ATF2: variants seen among roughly 807,000 people sequenced by gnomAD.
ATF2 encodes the protein cyclic AMP-dependent transcription factor ATF-2.
A neutral mutation model predicts 60.6 loss-of-function variants in ATF2; 24 were observed. That is an observed-to-expected ratio of 0.40 (90% CI 0.29 to 0.56). ATF2 has a LOEUF of 0.56. Ranked by LOEUF, ATF2 falls within the 20% of genes least tolerant of loss-of-function variation. The pLI, the probability that ATF2 is intolerant of heterozygous loss-of-function variation, is 0.54. For synonymous variants in ATF2, 206 were observed against 215.4 expected, an observed-to-expected ratio of 0.96 and a Z score of 0.38; for missense variants, 433 against 607.7, an observed-to-expected ratio of 0.71 and a Z score of 3.02.
At chr2:175,158,161 A>C (rs1345216669) in intron 1 of ATF2, among the ~76,000 whole-genome samples, 1 of 151,986 alleles carries the variant, frequency 6.6e-6, no homozygotes, top group East Asian at 1.9e-4. Context: ...TAAATCAAGG[A>C]GTTTGAAAAC....
At chr2:175,078,557 A>G (rs1191058933) in intron 13 of ATF2, among the ~76,000 whole-genome samples, 1 of 152,158 alleles carries the variant, frequency 6.6e-6, no homozygotes, top group Non-Finnish European at 1.5e-5. Context: ...AGGAAGTAGG[A>G]CTTTCAGTGC....
At chr2:175,120,526 T>A (rs1239533196) in intron 5 of ATF2, among the ~76,000 whole-genome samples, 1 of 151,592 alleles carries the variant, frequency 6.6e-6, no homozygotes, top group Non-Finnish European at 1.5e-5. Flanking sequence ...AAACACTGCA[T>A]AGAACAATTT....
At chr2:175,144,890 G>A (rs1698841304) in intron 2 of ATF2, among the ~76,000 whole-genome samples, 1 of 152,196 alleles carries the variant, frequency 6.6e-6, no homozygotes, top group Admixed American at 6.5e-5. Context: ...TGATGGAGAG[G>A]AAAGGTGAGT....
intron 4 of ATF2, among the ~76,000 whole-genome samples, chr2:175,124,262 C>CAA (rs967028034): frequency 5.0e-5 from 7 of 140,856 alleles, no homozygotes; most frequent in African/African-American, 1.9e-4. Context: ...GTATATAGCT[C>CAA]AATAAACAAT....
intron 10 of ATF2, among the ~76,000 whole-genome samples, chr2:175,107,981 G>A (rs1318649242): frequency 6.6e-6 from 1 of 152,156 alleles, no homozygotes. Flanking sequence ...CCTCTGCCCA[G>A]CCGCCACCCC....
intron 12 of ATF2, among the ~76,000 whole-genome samples, chr2:175,091,553 A>T (rs1457521250): frequency 3.3e-5 from 5 of 152,188 alleles, no homozygotes; most frequent in African/African-American, 1.2e-4. Flanking sequence ...TTTCTGAAAC[A>T]TTCTGGATTA....
Position 175,074,651 on chromosome 2 carries a change from G to A in ATF2, c.1476C>T (p.Ile492=). 3.1e-6 allele frequency: 5 copies of A among 1,613,224 alleles called. No individual in the cohort carries two copies. Among genetic ancestry groups the A allele is most frequent in the Non-Finnish European group, 4.2e-6 (5 of 1,179,592 alleles). ...DQSTEPALSQ[I]VMAPSSQSQP... ...GTGACTGGGAGGAAGGAGCCATAACGATCTGTGAAAGAGCAGGCTCTGTAC... is the reference window on the plus strand; with the variant it reads ...GTGACTGGGAGGAAGGAGCCATAACAATCTGTGAAAGAGCAGGCTCTGTAC... Residue 492 remains isoleucine, a synonymous_variant, in exon 14 of 14, where the codon ATC becomes ATT. Transcript: ENST00000264110.
chr2:175,140,999 GAAAAAAAAAAAAAAAAA>G (rs869208203), intron 2 of ATF2, among the ~76,000 whole-genome samples: 23 of 26,766 alleles, frequency 8.6e-4, no homozygotes, highest in East Asian at 3.9e-3. Context: ...CCTATCTCAG[GAAAAAAAAAAAAAAAAA>G]AAAAAAAAAA....
Position 175,079,454 on chromosome 2 carries a change from T to G in ATF2, c.1291+1206A>C, listed in dbSNP as rs138305142. On this transcript the variant is annotated intron_variant, in intron 13 of 13. Coordinates refer to ENST00000264110, the MANE Select transcript of ATF2 (RefSeq NM_001880.4). Reference sequence around the variant, plus strand: ...AATGGCCTCATCCCTGAAGCAATCATTGTTAATATAAATCCCAAACATATT... The same window carrying G: ...AATGGCCTCATCCCTGAAGCAATCAGTGTTAATATAAATCCCAAACATATT... Among the ~76,000 whole-genome samples the G allele has an allele frequency of 3.9e-3, 588 of 152,218 alleles. 5 individuals carry two copies. Among genetic ancestry groups the G allele is most frequent in the Non-Finnish European group, 6.5e-3 (440 of 67,972 alleles).
At chr2:175,144,587 C>T (rs573550150) in intron 2 of ATF2, among the ~76,000 whole-genome samples, 4 of 152,084 alleles carry the variant, frequency 2.6e-5, no homozygotes, top group Non-Finnish European at 4.4e-5. Flanking sequence ...AGTGTCTGCA[C>T]GGGAGGTAGC....
intron 1 of ATF2, among the ~76,000 whole-genome samples, chr2:175,152,675 T>C (rs1699392140): frequency 6.6e-6 from 1 of 152,222 alleles, no homozygotes; most frequent in Admixed American, 6.5e-5. Context: ...TTGAAACATG[T>C]TTAAATATTT....
intron 2 of ATF2, among the ~76,000 whole-genome samples, chr2:175,138,058 G>A (rs1574459588): frequency 6.6e-6 from 1 of 152,174 alleles, no homozygotes; most frequent in South Asian, 2.1e-4. Flanking sequence ...TGTTGGAGAA[G>A]TCAATGACTG....
At chr2:175,165,504 A>C (rs1363591518) in intron 1 of ATF2, among the ~76,000 whole-genome samples, 4 of 152,240 alleles carry the variant, frequency 2.6e-5, no homozygotes, top group Non-Finnish European at 5.9e-5. Flanking sequence ...AAATACAAAA[A>C]TTTGGGTAGA....
intron 4 of ATF2, among the ~76,000 whole-genome samples, chr2:175,129,297 T>C (rs189739022): frequency 1.1e-4 from 16 of 152,180 alleles, no homozygotes; most frequent in Non-Finnish European, 2.1e-4. Context: ...CAGTAATTGA[T>C]GAAGGTAGGT....
intron 12 of ATF2, among the ~76,000 whole-genome samples, chr2:175,092,782 T>C (rs1280366681): frequency 4.6e-5 from 7 of 152,240 alleles, no homozygotes; most frequent in East Asian, 1.9e-4. Flanking sequence ...CTCTGCACTT[T>C]ATATCACAAC....
chr2:175,094,870 G>T (rs1019488372), intron 11 of ATF2, among the ~76,000 whole-genome samples: 4 of 152,100 alleles, frequency 2.6e-5, no homozygotes, highest in Non-Finnish European at 4.4e-5. Context: ...TTGAGCCTGG[G>T]AAGTCGAGGC....
At chr2:175,159,503 A>G (rs1432077012) in intron 1 of ATF2, among the ~76,000 whole-genome samples, 2 of 152,148 alleles carry the variant, frequency 1.3e-5, no homozygotes, top group Non-Finnish European at 2.9e-5. Flanking sequence ...CACAGCAGAC[A>G]TGAGAGAGGT....
In ATF2 at chr2:175,118,033, T is replaced by C. The variant is rs1317149846; in HGVS notation, c.404A>G (p.Asp135Gly). The change falls in exon 7 of 14, where the codon GAT becomes GGT. Residue 135 changes from aspartate to glycine, a missense_variant. Physicochemically the swap from Asp to Gly is moderately conservative, Grantham distance 94. Transcript: ENST00000264110. The part of the protein sequence containing the change: ...EPSVVETTHQ[D>G]SPLPHPESTT... The stretch of plus-strand genomic sequence containing the variant: ...AGACTCTGGGTGAGGTAAAGGACTA[T>C]CCTGGTGAGTTGTTTCTACAACAGA... 5 of 1,612,172 alleles carry C rather than the reference T, an allele frequency of 3.1e-6. No individual in the cohort carries two copies. The South Asian group carries it at 4.4e-5, about 14-fold the overall frequency.
chr2:175,159,720 C>G (rs1699901324), intron 1 of ATF2, among the ~76,000 whole-genome samples: 1 of 152,042 alleles, frequency 6.6e-6, no homozygotes, highest in Non-Finnish European at 1.5e-5. Context: ...TTGATTATTC[C>G]TAGGCAATGT....
Sources: gnomAD v4.1 joint callset for allele counts (sites outside exome capture counted in the v4.1 genomes callset) on GRCh38, gnomAD v4.1.1 for gene constraint, MANE v1.5 for transcripts, NCBI Gene and HGNC (gene_info 2026-07-23, HGNC 2026-07-21) for gene names.